ANXA11: variants seen among roughly 807,000 people sequenced by gnomAD.
The protein encoded by ANXA11 is annexin A11, also known as 56 kDa autoantigen.
A neutral mutation model predicts 64.7 loss-of-function variants in ANXA11; 57 were observed. The observed-to-expected ratio is 0.88, with a 90% CI of 0.71 to 1.10. The LOEUF (loss-of-function observed/expected upper bound fraction) is 1.10, where lower values mean the gene tolerates loss of function less well. Among genes scored for constraint, ANXA11 ranks in the 50% least tolerant of loss-of-function variants. The pLI, the probability that ANXA11 is intolerant of heterozygous loss-of-function variation, is 0.00. For synonymous variants in ANXA11, 260 were observed against 265.2 expected (o/e 0.98, Z 0.19); for missense variants, 675 against 670.7 (o/e 1.01, Z -0.07).
Position 80,167,207 on chromosome 10 carries a change from G to A in ANXA11, c.649+19C>T. The A allele has an allele frequency of 1.9e-6, 3 of 1,611,796 alleles. No individual in the cohort carries two copies. The highest frequency in any genetic ancestry group is 2.5e-6 in the Non-Finnish European group (3 of 1,178,218). Reference sequence around the variant, plus strand: ...ATAGGGGGCAGGGAGTAGGATTTGAGCCACCCAGGGTCTCTTACCGAAGCC... The same window carrying A: ...ATAGGGGGCAGGGAGTAGGATTTGAACCACCCAGGGTCTCTTACCGAAGCC... On this transcript the variant is annotated intron_variant, in intron 6 of 15. Coordinates refer to ENST00000422982, the MANE Select transcript of ANXA11 (RefSeq NM_145868.2).
intron 2 of ANXA11, among the ~76,000 whole-genome samples, chr10:80,175,448 GA>G (rs1015031924): frequency 2.6e-5 from 4 of 151,880 alleles, no homozygotes; most frequent in Admixed American, 2.6e-4. Context: ...CCAGGCCAGG[GA>G]AAAAACCCAA....
intron 13 of ANXA11, among the ~76,000 whole-genome samples, chr10:80,158,373 C>T (rs3890076): frequency 0.097 from 14,740 of 152,106 alleles, 898 homozygotes; most frequent in South Asian, 0.24. Flanking sequence ...GCAGGAGGGG[C>T]AGACTGGAGA....
intron 8 of ANXA11, 52 bp downstream of exon 8, chr10:80,166,032 A>ACGCATGTGCGCGTGCG (rs1554831652): frequency 1.0e-6 from 1 of 961,376 alleles, no homozygotes; most frequent in Non-Finnish European, 1.5e-6. Flanking sequence ...GCGCGTGCGC[A>ACGCATGTGCGCGTGCG]CACACGCGCG....
intron 3 of ANXA11, 135 bp from the exon 4 acceptor site, chr10:80,171,050 A>C (rs1845954955): frequency 3.3e-6 from 5 of 1,525,468 alleles, no homozygotes; most frequent in East Asian, 2.5e-5. Flanking sequence ...GACACCACAG[A>C]CCACATGAAA....
intron 1 of ANXA11, among the ~76,000 whole-genome samples, chr10:80,196,290 TCCC>T (rs999811182): frequency 6.6e-6 from 1 of 152,160 alleles, no homozygotes; most frequent in Admixed American, 6.5e-5. Context: ...TTTCTAGGCC[TCCC>T]CATGAGAGCA....
At chr10:80,167,583 T>C (rs948877158) in intron 5 of ANXA11, among the ~76,000 whole-genome samples, 1 of 152,210 alleles carries the variant, frequency 6.6e-6, no homozygotes, top group Non-Finnish European at 1.5e-5. Context: ...ATCTGCCCAG[T>C]GCCCAGGTCC....
At chr10:80,160,682 C>T (rs538297213) in intron 12 of ANXA11, among the ~76,000 whole-genome samples, 1 of 152,204 alleles carries the variant, frequency 6.6e-6, no homozygotes, top group South Asian at 2.1e-4. Context: ...CTGAGGGGAC[C>T]TCCTGCAGTC....
chr10:80,200,016 C>A (rs1012694389), intron 1 of ANXA11, among the ~76,000 whole-genome samples: 1 of 152,178 alleles, frequency 6.6e-6, no homozygotes, highest in Non-Finnish European at 1.5e-5. Flanking sequence ...GAAGGAAATG[C>A]GTAAATGAGA....
In ANXA11 at chr10:80,160,043, T is replaced by G. The variant is rs552539599; in HGVS notation, c.1181-848A>C. 4.9e-4 allele frequency among the ~76,000 whole-genome samples: 74 copies of G among 152,304 alleles called. 2 individuals are homozygous for G. The South Asian group carries it at 0.015, about 30-fold the overall frequency. On this transcript the variant is annotated intron_variant, in intron 12 of 15. Transcript: ENST00000422982. ...AGAGACAGGTGGCATGATGGAGACC[T>G]TGGTCCTGACTCCAGTTCTGACCCA... is the stretch of plus-strand genomic sequence containing the variant.
intron 1 of ANXA11, among the ~76,000 whole-genome samples, chr10:80,183,410 T>C (rs901917448): frequency 1.3e-5 from 2 of 152,228 alleles, no homozygotes; most frequent in Non-Finnish European, 2.9e-5. Flanking sequence ...TCTCAGGATT[T>C]CTGAAGGGGG....
At chr10:80,167,417 T>C (rs1428240656) in intron 5 of ANXA11, 104 bp from the exon 6 acceptor site, 6 of 1,005,198 alleles carry the variant, frequency 6.0e-6, no homozygotes, top group Non-Finnish European at 7.7e-6. Flanking sequence ...TCTCTAAGAG[T>C]TGGAGTATCT....
At chr10:80,200,074 A>G (rs904744169) in intron 1 of ANXA11, among the ~76,000 whole-genome samples, 1 of 152,220 alleles carries the variant, frequency 6.6e-6, no homozygotes, top group African/African-American at 2.4e-5. Context: ...CAGGAATTGC[A>G]AAGTGAGAGA....
In ANXA11 at chr10:80,155,917, C is replaced by A. The variant is rs1845256798; in HGVS notation, c.1459-5G>T. The stretch of plus-strand genomic sequence containing the variant: ...GTAATCCCCTGAAGTATCTCCCTGG[C>A]CACAGAAACAAGGAAGACATCCGTT... On this transcript the variant is annotated splice_polypyrimidine_tract_variant and splice_region_variant and intron_variant, in intron 15 of 15. Transcript: ENST00000422982. 6.2e-7 allele frequency: 1 copy of A among 1,613,890 alleles called. No individual in the cohort carries two copies. Among genetic ancestry groups the A allele is most frequent in the Non-Finnish European group, 8.5e-7 (1 of 1,179,776 alleles).
intron 2 of ANXA11, among the ~76,000 whole-genome samples, chr10:80,175,146 G>A (rs1034251132): frequency 6.6e-6 from 1 of 152,198 alleles, no homozygotes; most frequent in Non-Finnish European, 1.5e-5. Context: ...GGCTGGGTGG[G>A]CTGTCAGTAC....
intron 1 of ANXA11, among the ~76,000 whole-genome samples, chr10:80,182,504 T>C (rs867504875): frequency 1.9e-4 from 29 of 152,288 alleles, no homozygotes; most frequent in African/African-American, 6.5e-4. Context: ...TATATGCATA[T>C]GTGTTTATAC....
At chr10:80,164,825 T>G (rs1289747590) in intron 8 of ANXA11, among the ~76,000 whole-genome samples, 1 of 152,194 alleles carries the variant, frequency 6.6e-6, no homozygotes, top group African/African-American at 2.4e-5. Context: ...TCATGAGGAT[T>G]AAGTGAGTTA....
chr10:80,170,979 A>G, intron 3 of ANXA11, 64 bp from the exon 4 acceptor site: 1 of 1,537,986 alleles, frequency 6.5e-7, no homozygotes, highest in South Asian at 1.2e-5. Flanking sequence ...AAAGGCAGAG[A>G]TGAGAGCTCC....
chr10:80,195,173 C>G (rs1846934200), intron 1 of ANXA11, among the ~76,000 whole-genome samples: 1 of 152,242 alleles, frequency 6.6e-6, no homozygotes, highest in Non-Finnish European at 1.5e-5. Context: ...CCAGCCCCTT[C>G]AAGCCTGGGA....
chr10:80,177,287 T>A (rs1305621083), intron 1 of ANXA11, among the ~76,000 whole-genome samples: 1 of 152,132 alleles, frequency 6.6e-6, no homozygotes, highest in Non-Finnish European at 1.5e-5. Flanking sequence ...ACCCCACTCT[T>A]ATCTTTTAGT....
Sources: gnomAD v4.1 joint callset for allele counts (sites outside exome capture counted in the v4.1 genomes callset) on GRCh38, gnomAD v4.1.1 for gene constraint, MANE v1.5 for transcripts, NCBI Gene and HGNC (gene_info 2026-07-23, HGNC 2026-07-21) for gene names.